Variants in STS observed in about 807,000 individuals in gnomAD.
The protein encoded by STS is steryl-sulfatase.
STS carries 7 observed loss-of-function variants against 26.8 expected under a neutral mutation model. The observed-to-expected ratio is 0.26, with a 90% CI of 0.15 to 0.49. The LOEUF (loss-of-function observed/expected upper bound fraction) is 0.49. STS is among the 20% of genes least tolerant of loss of function. STS has a pLI of 0.98. For missense variants in STS, 434 were observed against 465.6 expected, an observed-to-expected ratio of 0.93 and a Z score of 0.63; for synonymous variants, 199 against 189.4, an observed-to-expected ratio of 1.05 and a Z score of -0.42.
chrX:7,350,736 C>T lies in STS; in HGVS notation c.*475C>T, dbSNP rs911149880. On this transcript the variant is annotated 3_prime_UTR_variant, in exon 11 of 11. Transcript: ENST00000674429. ...GCAATCACATAAAAAAGAGTTTAGT[C>T]GTCTAAACATAAGTAACTTTAAGGT... 2.1e-4 allele frequency: 25 copies of T among 116,715 alleles called. No individual in the cohort carries two copies. Among genetic ancestry groups the T allele is most frequent in the Admixed American group, 1.8e-4 (2 of 11,055 alleles). 9.6% of individuals were successfully genotyped at this position (116,715 alleles called of 1,213,427 possible).
At chrX:7,324,391 G>C (rs370396799) in intron 8 of STS, among the ~76,000 whole-genome samples, 91 of 111,509 alleles carry the variant, frequency 8.2e-4, no homozygotes, top group African/African-American at 2.9e-3. Context: ...GACTTTAAAA[G>C]ATACCAGACT....
intron 7 of STS, among the ~76,000 whole-genome samples, chrX:7,298,159 G>A (rs2147131544): frequency 9.0e-6 from 1 of 111,177 alleles, no homozygotes; most frequent in South Asian, 3.9e-4. Flanking sequence ...CATTGAGTAG[G>A]TAGGAAAGAC....
rs746604145 is a variant in STS, at chrX:7,344,344, G to A, written c.1364-5544G>A. ...AGCATCCGTGGCCTCTCCCTACCAG[G>A]TATCAGTAGCAAGTCTGCCCCACTG... On this transcript the variant is annotated intron_variant, in intron 10 of 10. Transcript: ENST00000674429. Among the ~76,000 whole-genome samples the A allele has an allele frequency of 3.6e-5, 4 of 111,602 alleles. No individual in the cohort carries two copies. In the East Asian group the frequency reaches 1.1e-3, roughly 32 times the overall value.
In STS at chrX:7,303,746, T is replaced by C. The variant is rs140605770; in HGVS notation, c.944-1300T>C. ...AGTTTGCCCATCATTGTCTTCTGAT[T>C]TGAGAGCTGAGTGATAGCTTCCTAA... On this transcript the variant is annotated intron_variant, in intron 7 of 10. Coordinates refer to ENST00000674429, the MANE Select transcript of STS (RefSeq NM_001320752.2). 6.6e-3 allele frequency among the ~76,000 whole-genome samples: 737 copies of C among 111,929 alleles called. 4 individuals are homozygous for C. Among genetic ancestry groups the C allele is most frequent in the African/African-American group, 0.022 (666 of 30,835 alleles).
chrX:7,237,601 A>G (rs1922383627), intron 2 of STS, among the ~76,000 whole-genome samples: 1 of 112,373 alleles, frequency 8.9e-6, no homozygotes, highest in African/African-American at 3.2e-5. Context: ...TGACTGAGCT[A>G]AGGAATGCCC....
intron 8 of STS, among the ~76,000 whole-genome samples, chrX:7,316,895 G>A (rs1438012063): frequency 5.4e-5 from 6 of 111,605 alleles, no homozygotes; most frequent in African/African-American, 2.0e-4. Context: ...TATCTCAGAT[G>A]GGAAGATTTG....
At chrX:7,243,101 C>T (rs1395148194) in intron 2 of STS, among the ~76,000 whole-genome samples, 1 of 112,169 alleles carries the variant, frequency 8.9e-6, no homozygotes, top group Non-Finnish European at 1.9e-5. Context: ...CTTACTCTGT[C>T]GCCCAGAGTG....
chrX:7,157,546 T>G (rs1339652459), intron 1 of STS, among the ~76,000 whole-genome samples: 2 of 112,317 alleles, frequency 1.8e-5, no homozygotes, highest in Admixed American at 9.5e-5. Context: ...GTGCTTTTCA[T>G]GATCTTAAAG....
chrX:7,309,547 A>G lies in STS; in HGVS notation c.1081+4364A>G, dbSNP rs1926382965. ...CTTCACGTGAATCCTCAAACCTAAA[A>G]TAAGTTAAACATAAATAAATAAATA... is the stretch of plus-strand genomic sequence containing the variant. On this transcript the variant is annotated intron_variant, in intron 8 of 10. Transcript: ENST00000674429. Among the ~76,000 whole-genome samples, 3 of 109,916 alleles carry G rather than the reference A, an allele frequency of 2.7e-5. No individual in the cohort carries two copies. The South Asian group carries it at 1.2e-3, about 43-fold the overall frequency.
chrX:7,201,027 A>G (rs1202321923), intron 2 of STS, among the ~76,000 whole-genome samples: 1 of 111,183 alleles, frequency 9.0e-6, no homozygotes, highest in African/African-American at 3.3e-5. Context: ...TCGATGGATG[A>G]TAGATAGGCA....
At chrX:7,168,116 CAA>C (rs1160959570) in intron 1 of STS, among the ~76,000 whole-genome samples, 2 of 111,089 alleles carry the variant, frequency 1.8e-5, no homozygotes, top group Non-Finnish European at 3.8e-5. Context: ...CACCCTCACT[CAA>C]GAGAAGGTGT....
At chrX:7,164,582 C>T (rs921217961) in intron 1 of STS, among the ~76,000 whole-genome samples, 8 of 111,087 alleles carry the variant, frequency 7.2e-5, no homozygotes, top group Non-Finnish European at 1.5e-4. Context: ...AGCCAATTAC[C>T]TAAGATGCAA....
At chrX:7,315,503 G>A (rs1049994805) in intron 8 of STS, among the ~76,000 whole-genome samples, 8 of 111,328 alleles carry the variant, frequency 7.2e-5, no homozygotes, top group Non-Finnish European at 1.3e-4. Context: ...TAGGAGAATT[G>A]ACTCACACAA....
intron 7 of STS, among the ~76,000 whole-genome samples, chrX:7,278,157 C>T (rs1289809412): frequency 9.0e-6 from 1 of 111,696 alleles, no homozygotes; most frequent in East Asian, 2.8e-4. Flanking sequence ...TTGTTTTTGG[C>T]GGAAAGATAA....
Position 7,286,145 on chromosome X carries a change from A to ATGTG in STS, c.943+10064_943+10067dup, listed in dbSNP as rs774351103. Among the ~76,000 whole-genome samples, 6 of 111,945 alleles carry ATGTG rather than the reference A, an allele frequency of 5.4e-5. 1 individual carries two copies. In the South Asian group the frequency reaches 2.2e-3, roughly 42 times the overall value. On this transcript the variant is annotated intron_variant, in intron 7 of 10. Coordinates refer to ENST00000674429, the MANE Select transcript of STS (RefSeq NM_001320752.2). Reference sequence around the variant, plus strand: ...AGGTTATCTGTGTGTGTGTGTATGTATGTGTGTGTTTACACATGATATTTT... The same window carrying ATGTG: ...AGGTTATCTGTGTGTGTGTGTATGTATGTGTGTGTGTGTTTACACATGATATTTT...
Position 7,158,799 on chromosome X carries a change from C to T in STS, c.-134+10716C>T, listed in dbSNP as rs374167176. Among the ~76,000 whole-genome samples the T allele has an allele frequency of 6.2e-5, 7 of 112,065 alleles. No homozygotes were observed. In the East Asian group the frequency reaches 2.0e-3, roughly 31 times the overall value. Reference sequence around the variant, plus strand: ...ATTTAACTTTGATCTTGAAAGCATTCAGTGACCAGAAACATCATGTGATGT... The same window carrying T: ...ATTTAACTTTGATCTTGAAAGCATTTAGTGACCAGAAACATCATGTGATGT... On this transcript the variant is annotated intron_variant, in intron 1 of 10. Transcript: ENST00000674429.
intron 2 of STS, among the ~76,000 whole-genome samples, chrX:7,218,748 T>G (rs1921414476): frequency 8.9e-6 from 1 of 112,379 alleles, no homozygotes; most frequent in Non-Finnish European, 1.9e-5. Context: ...CTTTGCTGTT[T>G]TCCAAGATCA....
rs1928921206 is a variant in STS at position 7,354,325 on chromosome X, A to G, written c.*4064A>G. The G allele has an allele frequency of 1.8e-5, 2 of 111,681 alleles. No individual in the cohort carries two copies. Among genetic ancestry groups the G allele is most frequent in the African/African-American group, 6.5e-5 (2 of 30,652 alleles). 9.2% of individuals were successfully genotyped at this position (111,681 alleles called of 1,213,427 possible). On this transcript the variant is annotated 3_prime_UTR_variant, in exon 11 of 11. Transcript: ENST00000674429. Reference sequence around the variant, plus strand: ...CCATGGTGTATTCAGAGCTGAGTCCAGTCTCTCTCCCCTACTACAAGTCCC... The same window carrying G: ...CCATGGTGTATTCAGAGCTGAGTCCGGTCTCTCTCCCCTACTACAAGTCCC...
intron 2 of STS, among the ~76,000 whole-genome samples, chrX:7,216,245 C>T (rs1335631666): frequency 1.8e-5 from 2 of 111,510 alleles, no homozygotes; most frequent in Non-Finnish European, 3.8e-5. Flanking sequence ...ATGTGGCTTC[C>T]AATAGATGCA....
Sources: gnomAD v4.1 joint callset for allele counts (sites outside exome capture counted in the v4.1 genomes callset) on GRCh38, gnomAD v4.1.1 for gene constraint, MANE v1.5 for transcripts, NCBI Gene and HGNC (gene_info 2026-07-23, HGNC 2026-07-21) for gene names.